PDILT: variants seen among roughly 807,000 people sequenced by gnomAD.
PDILT encodes protein disulfide-isomerase-like protein of the testis.
PDILT carries 43 observed loss-of-function variants against 53.7 expected under a neutral mutation model. That is an observed-to-expected ratio of 0.80 (90% confidence interval 0.63 to 1.03). The LOEUF is 1.03. Ranked by LOEUF, PDILT falls within the 50% of genes least tolerant of loss-of-function variation. The pLI, the probability that PDILT is intolerant of heterozygous loss-of-function variation, is 0.00. For missense variants in PDILT, 727 were observed against 712.3 expected, an observed-to-expected ratio of 1.02 and a Z score of -0.24; for synonymous variants, 282 against 274.2, an observed-to-expected ratio of 1.03 and a Z score of -0.28.
In PDILT at chr16:20,365,318, A is replaced by T. The variant is rs940429072; in HGVS notation, c.1237+102T>A. The T allele has an allele frequency of 1.6e-5, 21 of 1,353,592 alleles. No homozygotes were observed. The East Asian group carries it at 3.2e-4, about 21-fold the overall frequency. 83.8% of individuals were successfully genotyped at this position (1,353,592 alleles called of 1,614,324 possible). ...CTGAAGACCATCCTTGGCATGGTGC[A>T]TTGATGGGTTTTAGAGATTTCAGTG... On this transcript the variant is annotated intron_variant, in intron 9 of 11. Coordinates refer to ENST00000302451, the MANE Select transcript of PDILT (RefSeq NM_174924.2).
intron 5 of PDILT, 106 bp from the exon 6 acceptor site, chr16:20,373,228 A>C: frequency 1.1e-6 from 1 of 936,506 alleles, no homozygotes; most frequent in Non-Finnish European, 1.7e-6. Flanking sequence ...GAAAGCACTG[A>C]GGAATGGTAT....
At position 20,376,049 on chromosome 16, in the gene PDILT, C is replaced by T. The variant is rs2141717664; in HGVS notation, c.543+19G>A. 1 of 1,613,788 alleles carries T rather than the reference C, an allele frequency of 6.2e-7. No individual in the cohort carries two copies. Among genetic ancestry groups the T allele is most frequent in the East Asian group, 2.2e-5 (1 of 44,880 alleles). On this transcript the variant is annotated intron_variant, in intron 4 of 11. Coordinates refer to ENST00000302451, the MANE Select transcript of PDILT (RefSeq NM_174924.2). ...TTCTCATCAGTTGAAAGCCTCCTCCCACCTCTTGGTCCCAGTACCTGGAAG... is the reference window on the plus strand; with the variant it reads ...TTCTCATCAGTTGAAAGCCTCCTCCTACCTCTTGGTCCCAGTACCTGGAAG...
At chr16:20,367,774 C>A (rs751408385) in intron 8 of PDILT, among the ~76,000 whole-genome samples, 22 of 152,106 alleles carry the variant, frequency 1.4e-4, no homozygotes, top group Non-Finnish European at 2.4e-4. Flanking sequence ...AATGAACACA[C>A]TAACTGAAAT....
intron 7 of PDILT, among the ~76,000 whole-genome samples, chr16:20,371,210 T>C (rs1966302124): frequency 6.6e-6 from 1 of 151,966 alleles, no homozygotes. Flanking sequence ...AGGTCAGAGG[T>C]CCAGTAAGGA....
intron 3 of PDILT, among the ~76,000 whole-genome samples, chr16:20,378,510 G>T (rs1289131116): frequency 1.3e-5 from 2 of 151,784 alleles, no homozygotes; most frequent in African/African-American, 4.8e-5. Flanking sequence ...TGTTACATAG[G>T]TATACATGTG....
At chr16:20,381,047 G>T (rs1005909353) in intron 3 of PDILT, among the ~76,000 whole-genome samples, 1 of 152,236 alleles carries the variant, frequency 6.6e-6, no homozygotes, top group African/African-American at 2.4e-5. Context: ...GACCAGCACT[G>T]GGCTGCATAT....
intron 2 of PDILT, among the ~76,000 whole-genome samples, chr16:20,390,089 C>T (rs147405198): frequency 1.3e-5 from 2 of 152,146 alleles, no homozygotes; most frequent in East Asian, 3.9e-4. Flanking sequence ...TCTGATCAAG[C>T]ATGAAAAAAA....
chr16:20,384,690 T>C lies in PDILT; in HGVS notation c.364A>G (p.Lys122Glu). The C allele has an allele frequency of 6.2e-7, 1 of 1,614,202 alleles. No homozygotes were observed. The highest frequency in any genetic ancestry group is 8.5e-7 in the Non-Finnish European group (1 of 1,180,026). ...GACCTGTTGCCCTCAAAAAACAGCTTCAACTCCGGGGCCTTGGTAATCCCA... is the reference window on the plus strand; with the variant it reads ...GACCTGTTGCCCTCAAAAAACAGCTCCAACTCCGGGGCCTTGGTAATCCCA... The part of the protein sequence containing the change: ...EFGITKAPEL[K>E]LFFEGNRSEP... Residue 122 changes from lysine (K) to glutamate (E), a missense_variant, in exon 3 of 12, where the codon AAG (lysine) becomes GAG (glutamate). Lys to Glu is a moderately conservative substitution (Grantham distance 56). Coordinates refer to ENST00000302451, the MANE Select transcript of PDILT (RefSeq NM_174924.2).
chr16:20,362,124 C>T (rs1026643161), intron 10 of PDILT, among the ~76,000 whole-genome samples: 4 of 152,224 alleles, frequency 2.6e-5, no homozygotes, highest in Non-Finnish European at 5.9e-5. Context: ...CTAGCAGGAA[C>T]CATATAAAAC....
In PDILT at chr16:20,403,434, C is replaced by T. The variant is rs565484031; in HGVS notation, c.-8+1062G>A. ...CCTCCCTAGCAGCTGGGACTACAGG[C>T]ACCCGCCACCATGCCCGGCTAATTT... On this transcript the variant is annotated intron_variant, in intron 1 of 11. Transcript: ENST00000302451. Among the ~76,000 whole-genome samples, 586 of 152,200 alleles carry T rather than the reference C, an allele frequency of 3.9e-3. 6 individuals carry two copies. The highest frequency in any genetic ancestry group is 0.013 in the African/African-American group (553 of 41,520).
chr16:20,394,527 G>T (rs1280281100), intron 2 of PDILT, among the ~76,000 whole-genome samples: 1 of 152,174 alleles, frequency 6.6e-6, no homozygotes, highest in African/African-American at 2.4e-5. Flanking sequence ...CAGGCCAATG[G>T]AATGTGGGTA....
chr16:20,393,214 T>C (rs1015888228), intron 2 of PDILT, among the ~76,000 whole-genome samples: 32 of 152,254 alleles, frequency 2.1e-4, no homozygotes, highest in Admixed American at 3.9e-4. Flanking sequence ...AATTCTAGTG[T>C]GGATGAGGGA....
chr16:20,363,520 C>A (rs563854313), intron 9 of PDILT, among the ~76,000 whole-genome samples: 1 of 151,586 alleles, frequency 6.6e-6, no homozygotes, highest in Admixed American at 6.6e-5. Flanking sequence ...TTACAGCACA[C>A]GGGGGTTTTC....
In PDILT at chr16:20,359,241, T is replaced by G; in HGVS notation, c.*78A>C. 6.4e-7 allele frequency: 1 copy of G among 1,569,782 alleles called. No individual in the cohort carries two copies. Among genetic ancestry groups the G allele is most frequent in the African/African-American group, 1.4e-5 (1 of 73,320 alleles). ...CCTACCCTACCACAATGATATATGC[T>G]TTTATTGGAATCAATCCATTCAGAA... On this transcript the variant is annotated 3_prime_UTR_variant, in exon 12 of 12. Coordinates refer to ENST00000302451, the MANE Select transcript of PDILT (RefSeq NM_174924.2).
At position 20,399,225 on chromosome 16, in the gene PDILT, C is replaced by T. The variant is rs9926580; in HGVS notation, c.76G>A (p.Ala26Thr). ...SAVHSSPEVN[A>T]GVSSIHITKP... is the part of the protein sequence containing the mutation. ...GTTATGTGGATGCTGGAAACACCGGCGTTAACCTCTGGTGAGCTGTGGACA... is the reference window on the plus strand; with the variant it reads ...GTTATGTGGATGCTGGAAACACCGGTGTTAACCTCTGGTGAGCTGTGGACA... The change falls in exon 2 of 12, where the codon GCC (alanine) becomes ACC (threonine). Residue 26 changes from alanine (A) to threonine (T), a missense_variant. Transcript: ENST00000302451. 474,906 of 1,613,810 alleles carry T rather than the reference C, an allele frequency of 0.29. 72,224 individuals carry two copies. Among genetic ancestry groups the T allele is most frequent in the African/African-American group, 0.43 (32,421 of 74,922 alleles).
At chr16:20,395,748 T>G (rs995378474) in intron 2 of PDILT, among the ~76,000 whole-genome samples, 2 of 152,018 alleles carry the variant, frequency 1.3e-5, no homozygotes, top group African/African-American at 4.8e-5. Flanking sequence ...AACGAGTGAG[T>G]TCTCACTCTA....
intron 7 of PDILT, among the ~76,000 whole-genome samples, chr16:20,371,033 C>A (rs1036072820): frequency 1.3e-5 from 2 of 152,222 alleles, no homozygotes; most frequent in African/African-American, 4.8e-5. Flanking sequence ...TATTCCTGTA[C>A]TTTCCTAATA....
At chr16:20,403,873 C>G (rs1428001711) in intron 1 of PDILT, among the ~76,000 whole-genome samples, 1 of 152,040 alleles carries the variant, frequency 6.6e-6, no homozygotes, top group Non-Finnish European at 1.5e-5. Flanking sequence ...CTGTCTGGGG[C>G]ACCCTTCCCT....
chr16:20,372,804 T>C lies in PDILT; in HGVS notation c.916A>G (p.Lys306Glu). Residue 306 changes from lysine to glutamate, a missense_variant and splice_region_variant, in exon 7 of 12, where the codon AAG becomes GAG. By Grantham distance (56) the Lys-to-Glu change is moderately conservative. Coordinates refer to ENST00000302451, the MANE Select transcript of PDILT (RefSeq NM_174924.2). Reference sequence around the variant, plus strand: ...GAGCAATGGTGCACTCTACAAACCTTGTTTTGGAATTCCTTTGATGCCAGC... The same window carrying C: ...GAGCAATGGTGCACTCTACAAACCTCGTTTTGGAATTCCTTTGATGCCAGC... The part of the protein sequence containing the change: ...YKLASKEFQN[K>E]ILFILVDADE... 8 of 1,613,886 alleles carry C rather than the reference T, an allele frequency of 5.0e-6. No individual in the cohort carries two copies. Among genetic ancestry groups the C allele is most frequent in the Non-Finnish European group, 6.8e-6 (8 of 1,179,854 alleles).
Sources: gnomAD v4.1 joint callset for allele counts (sites outside exome capture counted in the v4.1 genomes callset) on GRCh38, gnomAD v4.1.1 for gene constraint, MANE v1.5 for transcripts, NCBI Gene and HGNC (gene_info 2026-07-23, HGNC 2026-07-21) for gene names.